The following AVL9 variants were observed in gnomAD, a reference collection of about 807,000 sequenced individuals.
The protein encoded by AVL9 is AVL9 cell migration associated.
AVL9 carries 49 observed loss-of-function variants against 79.2 expected under a neutral mutation model. The observed-to-expected ratio is 0.62, with a 90% confidence interval of 0.49 to 0.79. AVL9 has a LOEUF of 0.79. Ranked by LOEUF, AVL9 falls within the 30% of genes least tolerant of loss-of-function variation. The probability of loss-of-function intolerance (pLI) is 0.00; values close to 1 mark genes in which losing one functional copy is unlikely to be tolerated. For synonymous variants in AVL9, 299 were observed against 280.6 expected, an observed-to-expected ratio of 1.07 and a Z score of -0.65; for missense variants, 682 against 776.8, an observed-to-expected ratio of 0.88 and a Z score of 1.45.
At chr7:32,505,334 G>A (rs1430299946) in intron 1 of AVL9, among the ~76,000 whole-genome samples, 1 of 150,092 alleles carries the variant, frequency 6.7e-6, no homozygotes, top group Non-Finnish European at 1.5e-5. Flanking sequence ...GACCAGCCTG[G>A]CCAACATGGT....
Position 32,585,557 on chromosome 7 carries a change from T to TA in AVL9, c.*1650_*1651insA, listed in dbSNP as rs1239144926. The TA allele has an allele frequency of 6.6e-6, 1 of 152,202 alleles. No individual in the cohort carries two copies. Among genetic ancestry groups the TA allele is most frequent in the Non-Finnish European group, 1.5e-5 (1 of 68,022 alleles). The allele number at this position is 152,202 out of a possible 1,614,324, so 9.4% of individuals were successfully genotyped here. A position where few individuals can be genotyped will look rare whatever the true frequency, so the allele number is the denominator to read the frequency against. ...CATTGTGAGTATGATCTATCCCAGATTGCTGGGGAAATAAAGGAGGGCCCT... is the reference window on the plus strand; with the variant it reads ...CATTGTGAGTATGATCTATCCCAGATATGCTGGGGAAATAAAGGAGGGCCCT... On this transcript the variant is annotated 3_prime_UTR_variant, in exon 16 of 16. Coordinates refer to ENST00000318709, the MANE Select transcript of AVL9 (RefSeq NM_015060.3).
Position 32,495,741 on chromosome 7 carries a change from T to C in AVL9, c.32T>C (p.Val11Ala). 1 of 1,258,746 alleles carries C rather than the reference T, an allele frequency of 7.9e-7. No homozygotes were observed. Among genetic ancestry groups the C allele is most frequent in the Non-Finnish European group, 1.0e-6 (1 of 992,294 alleles). The allele number at this position is 1,258,746 out of a possible 1,614,324, so 78.0% of individuals were successfully genotyped here. MEKARRGGDG[V>A]PRGPVLHIVV... is the part of the protein sequence containing the mutation. ...AAGGCCAGGAGAGGCGGGGATGGCG[T>C]CCCCCGGGGGCCCGTACTGCACATC... is the stretch of plus-strand genomic sequence containing the variant. The change falls in exon 1 of 16, where the codon GTC becomes GCC. Residue 11 changes from valine (V) to alanine (A), a missense_variant. Val to Ala is a moderately conservative substitution (Grantham distance 64). Coordinates refer to ENST00000318709, the MANE Select transcript of AVL9 (RefSeq NM_015060.3).
At position 32,510,369 on chromosome 7, in the gene AVL9, C is replaced by T. The variant is rs568196130; in HGVS notation, c.93+14567C>T. Among the ~76,000 whole-genome samples, 6 of 151,566 alleles carry T rather than the reference C, an allele frequency of 4.0e-5. No homozygotes were observed. The South Asian group carries it at 6.2e-4, about 16-fold the overall frequency. On this transcript the variant is annotated intron_variant, in intron 1 of 15. Transcript: ENST00000318709. ...CTGAACTGCCCCAGTATGAGGGAAA[C>T]CATCTCCCCAGGGTAAGATTTGTGA... is the stretch of plus-strand genomic sequence containing the variant.
rs1791890622 is a variant in AVL9, at chr7:32,588,459, A to AC, written c.*4554dup. On this transcript the variant is annotated 3_prime_UTR_variant, in exon 16 of 16. Transcript: ENST00000318709. Reference sequence around the variant, plus strand: ...ATTTATGATTAAAGGCTTTTCACAAACCTTTTTAAAGAAAATTTAGCTGAG... The same window carrying AC: ...ATTTATGATTAAAGGCTTTTCACAAACCCTTTTTAAAGAAAATTTAGCTGAG... 1 of 152,154 alleles carries AC rather than the reference A, an allele frequency of 6.6e-6. No homozygotes were observed. The allele number at this position is 152,154 out of a possible 1,614,324, so 9.4% of individuals were successfully genotyped here. A position where few individuals can be genotyped will look rare whatever the true frequency, so the allele number is the denominator to read the frequency against.
At position 32,585,440 on chromosome 7, in the gene AVL9, T is replaced by G. The variant is rs1051771263; in HGVS notation, c.*1533T>G. On this transcript the variant is annotated 3_prime_UTR_variant, in exon 16 of 16. Transcript: ENST00000318709. ...GTGTGTTTGCCATGCTCAGCTCTCA[T>G]TTGCTTTTCAAGGATACCTGGGATG... 1 of 152,184 alleles carries G rather than the reference T, an allele frequency of 6.6e-6. No homozygotes were observed. The highest frequency in any genetic ancestry group is 1.5e-5 in the Non-Finnish European group (1 of 68,030). 9.4% of individuals were successfully genotyped at this position (152,184 alleles called of 1,614,324 possible).
intron 1 of AVL9, among the ~76,000 whole-genome samples, chr7:32,509,538 G>C (rs905707077): frequency 6.6e-6 from 1 of 152,074 alleles, no homozygotes; most frequent in African/African-American, 2.4e-5. Flanking sequence ...AAGTTCCATT[G>C]AGAAACCAGT....
chr7:32,512,331 C>T (rs1404056350), intron 1 of AVL9, among the ~76,000 whole-genome samples: 1 of 152,208 alleles, frequency 6.6e-6, no homozygotes, highest in African/African-American at 2.4e-5. Flanking sequence ...CTTTTCCTTA[C>T]TACATTGTTC....
Position 32,559,152 on chromosome 7 carries a change from A to G in AVL9, c.903A>G (p.Glu301=), listed in dbSNP as rs2128141908. ...CTGAGGAGCCTTTGTTCCAAGTGGA[A>G]GACAGCAGCAAAGGGCAGGAACCCA... ...MKTEEPLFQV[E]DSSKGQEPND... is the part of the protein sequence containing the mutation. Residue 301 remains glutamate (E), a synonymous_variant, in exon 10 of 16, where the codon GAA becomes GAG. Coordinates refer to ENST00000318709, the MANE Select transcript of AVL9 (RefSeq NM_015060.3). 2 of 1,614,166 alleles carry G rather than the reference A, an allele frequency of 1.2e-6. No homozygotes were observed. Among genetic ancestry groups the G allele is most frequent in the East Asian group, 4.5e-5 (2 of 44,888 alleles).
At chr7:32,565,529 A>T (rs1790522513) in intron 10 of AVL9, among the ~76,000 whole-genome samples, 1 of 149,388 alleles carries the variant, frequency 6.7e-6, no homozygotes, top group Admixed American at 6.8e-5. Context: ...ATTGCACTCC[A>T]GCCAGGGCAA....
intron 10 of AVL9, among the ~76,000 whole-genome samples, chr7:32,564,817 A>G (rs1449360299): frequency 6.6e-6 from 1 of 152,164 alleles, no homozygotes; most frequent in Non-Finnish European, 1.5e-5. Context: ...TAGGCTGCCT[A>G]TAGGGTGATG....
At chr7:32,503,934 C>T (rs1445983108) in intron 1 of AVL9, among the ~76,000 whole-genome samples, 4 of 152,152 alleles carry the variant, frequency 2.6e-5, no homozygotes, top group Non-Finnish European at 4.4e-5. Context: ...CTGCCTGCCT[C>T]AGCCTCCCAA....
intron 10 of AVL9, among the ~76,000 whole-genome samples, chr7:32,563,192 T>C (rs62467618): frequency 0.84 from 127,271 of 151,812 alleles, 53,406 homozygotes; most frequent in Middle Eastern, 0.88. Flanking sequence ...TCACTCTGCC[T>C]GGCTGATTTT....
intron 1 of AVL9, among the ~76,000 whole-genome samples, chr7:32,511,691 C>T (rs1309590964): frequency 6.6e-6 from 1 of 151,842 alleles, no homozygotes; most frequent in Admixed American, 6.6e-5. Context: ...GAAGGGGCGA[C>T]ATTAGTCAGC....
intron 10 of AVL9, among the ~76,000 whole-genome samples, chr7:32,564,554 T>G (rs1299013002): frequency 6.6e-6 from 1 of 152,174 alleles, no homozygotes; most frequent in Non-Finnish European, 1.5e-5. Context: ...GAAACAAATT[T>G]CTACATAATA....
At chr7:32,517,026 T>C (rs1268413018) in intron 1 of AVL9, among the ~76,000 whole-genome samples, 1 of 152,212 alleles carries the variant, frequency 6.6e-6, no homozygotes, top group Non-Finnish European at 1.5e-5. Flanking sequence ...TTTGCTGAGA[T>C]AGAATCCACT....
chr7:32,584,047 A>ATGTT lies in AVL9; in HGVS notation c.*142_*145dup. 2.8e-6 allele frequency: 2 copies of ATGTT among 717,228 alleles called. No homozygotes were observed. The highest frequency in any genetic ancestry group is 3.0e-5 in the South Asian group (2 of 66,102). 44.4% of individuals were successfully genotyped at this position (717,228 alleles called of 1,614,324 possible). A position where few individuals can be genotyped will look rare whatever the true frequency, so the allele number is the denominator to read the frequency against. On this transcript the variant is annotated 3_prime_UTR_variant, in exon 16 of 16. Transcript: ENST00000318709. The stretch of plus-strand genomic sequence containing the variant: ...TTTACATGGATGTTGCTCTAAGTGA[A>ATGTT]TGTTTCGGGATGCCGAAATGATGAA...
At chr7:32,566,605 G>C (rs1322718973) in intron 10 of AVL9, among the ~76,000 whole-genome samples, 3 of 152,060 alleles carry the variant, frequency 2.0e-5, no homozygotes, top group East Asian at 3.9e-4. Flanking sequence ...TTGGCCAGGT[G>C]CGGTGGCTCA....
intron 11 of AVL9, among the ~76,000 whole-genome samples, chr7:32,572,377 T>A (rs2044827): frequency 0.84 from 125,723 of 150,368 alleles, 52,908 homozygotes; most frequent in Middle Eastern, 0.88. Context: ...AGCTGCTTCA[T>A]CATTATTGGT....
At chr7:32,577,712 A>G (rs754556681) in intron 13 of AVL9, among the ~76,000 whole-genome samples, 1 of 152,190 alleles carries the variant, frequency 6.6e-6, no homozygotes, top group African/African-American at 2.4e-5. Flanking sequence ...GCAGGTCCAA[A>G]AGAGACTTAG....
Sources: gnomAD v4.1 joint callset for allele counts (sites outside exome capture counted in the v4.1 genomes callset) on GRCh38, gnomAD v4.1.1 for gene constraint, MANE v1.5 for transcripts, NCBI Gene and HGNC (gene_info 2026-07-23, HGNC 2026-07-21) for gene names.